ULK4: variants seen among roughly 807,000 people sequenced by gnomAD.
The protein encoded by ULK4 is unc-51 like kinase 4.
ULK4 carries 133 observed loss-of-function variants against 160.6 expected under a neutral mutation model. The ratio of observed to expected loss-of-function variants is 0.83; its 90% CI spans 0.72 to 0.96. The LOEUF (loss-of-function observed/expected upper bound fraction) is 0.96, where lower values mean the gene tolerates loss of function less well. Ranked by LOEUF, ULK4 falls within the 40% of genes least tolerant of loss-of-function variation. The probability of loss-of-function intolerance (pLI) is 0.00; values close to 1 mark genes in which losing one functional copy is unlikely to be tolerated. For synonymous variants in ULK4, 534 were observed against 539.8 expected, an observed-to-expected ratio of 0.99 and a Z score of 0.15; for missense variants, 1,580 against 1,499.5, an observed-to-expected ratio of 1.05 and a Z score of -0.89.
intron 17 of ULK4, among the ~76,000 whole-genome samples, chr3:41,839,423 C>T (rs1013605171): frequency 7.4e-5 from 11 of 148,796 alleles, no homozygotes; most frequent in African/African-American, 2.4e-4. Flanking sequence ...ATAATATATA[C>T]ATATAATATA....
intron 21 of ULK4, among the ~76,000 whole-genome samples, chr3:41,765,749 A>G (rs953349491): frequency 2.4e-4 from 37 of 152,202 alleles, no homozygotes; most frequent in Admixed American, 1.0e-3. Flanking sequence ...TTATAATACT[A>G]TATATCTTTC....
At chr3:41,267,664 A>G (rs980934635) in intron 35 of ULK4, among the ~76,000 whole-genome samples, 12 of 152,152 alleles carry the variant, frequency 7.9e-5, no homozygotes, top group Non-Finnish European at 1.8e-4. Flanking sequence ...CCCTACCACT[A>G]TAAATTCTGC....
At chr3:41,727,522 T>C (rs913312193) in intron 22 of ULK4, among the ~76,000 whole-genome samples, 1 of 152,210 alleles carries the variant, frequency 6.6e-6, no homozygotes, top group Non-Finnish European at 1.5e-5. Context: ...AAAGCAAGCG[T>C]GCAATGTGGA....
chr3:41,363,465 C>G (rs1575470093), intron 35 of ULK4, among the ~76,000 whole-genome samples: 4 of 152,304 alleles, frequency 2.6e-5, no homozygotes, highest in Admixed American at 2.6e-4. Flanking sequence ...CCCTACCTCT[C>G]TGTGTGGCTC....
chr3:41,724,453 G>A (rs1259057067), intron 22 of ULK4, among the ~76,000 whole-genome samples: 13 of 152,192 alleles, frequency 8.5e-5, no homozygotes, highest in South Asian at 2.1e-4. Flanking sequence ...AGCCAGGCGC[G>A]GTGGCTCACA....
At chr3:41,343,807 C>A (rs772902497) in intron 35 of ULK4, among the ~76,000 whole-genome samples, 1 of 152,106 alleles carries the variant, frequency 6.6e-6, no homozygotes, top group Non-Finnish European at 1.5e-5. Flanking sequence ...AGTGAAGAAC[C>A]TTTTCAAGGA....
intron 18 of ULK4, among the ~76,000 whole-genome samples, chr3:41,823,281 TAAG>T (rs2041211055): frequency 6.6e-6 from 1 of 152,034 alleles, no homozygotes; most frequent in Non-Finnish European, 1.5e-5. Flanking sequence ...ATAGTGGGTT[TAAG>T]GAACTGTGGG....
At chr3:41,467,714 T>C (rs1401503811) in intron 32 of ULK4, among the ~76,000 whole-genome samples, 2 of 152,148 alleles carry the variant, frequency 1.3e-5, no homozygotes, top group East Asian at 3.9e-4. Flanking sequence ...AATTAAAGAA[T>C]TCTATGAAAT....
rs141071550 is a variant in ULK4, at chr3:41,807,073, A to C, written c.1849-6780T>G. Among the ~76,000 whole-genome samples the C allele has an allele frequency of 3.9e-5, 6 of 152,160 alleles. No individual in the cohort carries two copies. The East Asian group carries it at 7.7e-4, about 20-fold the overall frequency. ...ATCCCAGGAGGCAGAGGTTGCAGTGAGCCGAGATTGTGCCACTACACTCCA... is the reference window on the plus strand; with the variant it reads ...ATCCCAGGAGGCAGAGGTTGCAGTGCGCCGAGATTGTGCCACTACACTCCA... On this transcript the variant is annotated intron_variant, in intron 19 of 36. Coordinates refer to ENST00000301831, the MANE Select transcript of ULK4 (RefSeq NM_017886.4).
chr3:41,366,999 T>C (rs1344574489), intron 35 of ULK4, among the ~76,000 whole-genome samples: 1 of 152,256 alleles, frequency 6.6e-6, no homozygotes, highest in Non-Finnish European at 1.5e-5. Context: ...ATCCCTCTAC[T>C]GGGATTTAAA....
chr3:41,452,921 G>A (rs1266848787), intron 34 of ULK4, among the ~76,000 whole-genome samples: 1 of 152,132 alleles, frequency 6.6e-6, no homozygotes, highest in Admixed American at 6.5e-5. Context: ...ATGGAATAAA[G>A]TTAAGAGTTT....
At chr3:41,666,860 T>C (rs561461146) in intron 29 of ULK4, among the ~76,000 whole-genome samples, 142 of 152,118 alleles carry the variant, frequency 9.3e-4, no homozygotes, top group Non-Finnish European at 1.6e-3. Flanking sequence ...AAAGAAAACA[T>C]TGGCCAGGGA....
At chr3:41,721,562 T>C (rs995678715) in intron 22 of ULK4, among the ~76,000 whole-genome samples, 5 of 151,148 alleles carry the variant, frequency 3.3e-5, no homozygotes, top group African/African-American at 1.2e-4. Context: ...GAGACCGGGT[T>C]TCACCATCTT....
chr3:41,633,843 T>C (rs572509713), intron 30 of ULK4, among the ~76,000 whole-genome samples: 2 of 152,250 alleles, frequency 1.3e-5, no homozygotes, highest in Admixed American at 6.5e-5. Flanking sequence ...GCCACTACCA[T>C]GACCACCACC....
intron 18 of ULK4, among the ~76,000 whole-genome samples, chr3:41,826,301 C>T (rs971375772): frequency 5.9e-5 from 9 of 152,200 alleles, no homozygotes; most frequent in African/African-American, 2.2e-4. Flanking sequence ...CAAATTCACA[C>T]ATAACAATAT....
chr3:41,282,094 AG>A (rs1352302386), intron 35 of ULK4, among the ~76,000 whole-genome samples: 2 of 152,072 alleles, frequency 1.3e-5, no homozygotes, highest in Non-Finnish European at 2.9e-5. Context: ...CAACTTACAA[AG>A]GATGTCAAGG....
chr3:41,947,287 G>C (rs1700141257), intron 2 of ULK4, among the ~76,000 whole-genome samples: 1 of 152,184 alleles, frequency 6.6e-6, no homozygotes, highest in South Asian at 2.1e-4. Context: ...CTCCAGCCCG[G>C]GCGACAGAGC....
intron 35 of ULK4, among the ~76,000 whole-genome samples, chr3:41,305,292 A>G (rs981145864): frequency 1.3e-5 from 2 of 150,550 alleles, no homozygotes; most frequent in Non-Finnish European, 3.0e-5. Context: ...CCGAAGCTGG[A>G]CTGTACTGCT....
At chr3:41,882,707 T>A (rs1223568161) in intron 17 of ULK4, among the ~76,000 whole-genome samples, 3 of 152,216 alleles carry the variant, frequency 2.0e-5, no homozygotes, top group Non-Finnish European at 4.4e-5. Context: ...GAGCAACCAA[T>A]GCCTGCTCTG....
Sources: gnomAD v4.1 joint callset for allele counts (sites outside exome capture counted in the v4.1 genomes callset) on GRCh38, gnomAD v4.1.1 for gene constraint, MANE v1.5 for transcripts, NCBI Gene and HGNC (gene_info 2026-07-23, HGNC 2026-07-21) for gene names.